Variants in SYT1 observed in about 807,000 individuals in gnomAD.
SYT1 encodes the protein synaptotagmin-1.
SYT1 carries 8 observed loss-of-function variants against 44.8 expected under a neutral mutation model. That is an observed-to-expected ratio of 0.18 (90% CI 0.10 to 0.32). The LOEUF is 0.32. Among genes scored for constraint, SYT1 ranks in the 10% least tolerant of loss-of-function variants. The probability of loss-of-function intolerance (pLI) is 1.00; values close to 1 mark genes in which losing one functional copy is unlikely to be tolerated. For synonymous variants in SYT1, 154 were observed against 188.8 expected (o/e 0.82, Z 1.51); for missense variants, 286 against 509.3 (o/e 0.56, Z 4.22).
At chr12:79,139,903 C>T (rs1337319587) in intron 3 of SYT1, among the ~76,000 whole-genome samples, 2 of 152,296 alleles carry the variant, frequency 1.3e-5, no homozygotes, top group South Asian at 2.1e-4. Flanking sequence ...GCAGCTGGTG[C>T]TGCCACGTAT....
intron 3 of SYT1, among the ~76,000 whole-genome samples, chr12:79,116,941 C>T (rs1170827873): frequency 6.6e-6 from 1 of 152,162 alleles, no homozygotes; most frequent in East Asian, 1.9e-4. Context: ...CTGAAATCCA[C>T]GAGCAGCTCT....
chr12:79,248,337 C>T (rs375452731), intron 4 of SYT1, among the ~76,000 whole-genome samples: 15 of 152,148 alleles, frequency 9.9e-5, no homozygotes, highest in East Asian at 3.9e-4. Flanking sequence ...ACTCAACAGA[C>T]GGAGAGATTG....
At chr12:79,126,265 T>G (rs1328584802) in intron 3 of SYT1, among the ~76,000 whole-genome samples, 1 of 152,098 alleles carries the variant, frequency 6.6e-6, no homozygotes, top group Non-Finnish European at 1.5e-5. Context: ...TTTTGTTTTG[T>G]TTTTGTTTTT....
chr12:79,433,891 T>G (rs916340982), intron 9 of SYT1, among the ~76,000 whole-genome samples: 1 of 152,220 alleles, frequency 6.6e-6, no homozygotes, highest in Non-Finnish European at 1.5e-5. Flanking sequence ...CACACTGATA[T>G]GTCAACTGCC....
At chr12:79,347,141 A>C (rs1443970981) in intron 8 of SYT1, among the ~76,000 whole-genome samples, 1 of 151,954 alleles carries the variant, frequency 6.6e-6, no homozygotes, top group Non-Finnish European at 1.5e-5. Context: ...TTTCCAACTA[A>C]GCAAAAGTCT....
intron 4 of SYT1, among the ~76,000 whole-genome samples, chr12:79,265,799 T>G (rs934401650): frequency 4.7e-4 from 71 of 152,044 alleles, no homozygotes; most frequent in African/African-American, 1.7e-3. Context: ...AATGAAAGAA[T>G]TAGACAATAC....
intron 8 of SYT1, among the ~76,000 whole-genome samples, chr12:79,303,887 C>T (rs974000199): frequency 6.6e-6 from 1 of 152,112 alleles, no homozygotes; most frequent in Non-Finnish European, 1.5e-5. Flanking sequence ...TTTCTAAGTA[C>T]ATTTAGCAAT....
At chr12:79,275,860 T>A (rs1878687134) in intron 4 of SYT1, among the ~76,000 whole-genome samples, 1 of 152,230 alleles carries the variant, frequency 6.6e-6, no homozygotes, top group Non-Finnish European at 1.5e-5. Flanking sequence ...TCATGAGACC[T>A]CTGCCACCCT....
chr12:78,967,751 G>A (rs1474257890), intron 1 of SYT1, among the ~76,000 whole-genome samples: 2 of 152,164 alleles, frequency 1.3e-5, no homozygotes, highest in African/African-American at 4.8e-5. Flanking sequence ...GCAGTAATTG[G>A]AGTACATAGA....
At chr12:79,333,021 T>G (rs1367485777) in intron 8 of SYT1, among the ~76,000 whole-genome samples, 1 of 152,214 alleles carries the variant, frequency 6.6e-6, no homozygotes, top group African/African-American at 2.4e-5. Flanking sequence ...TAAAGAATCC[T>G]TACAATTCTC....
intron 3 of SYT1, among the ~76,000 whole-genome samples, chr12:79,049,151 C>A (rs573046306): frequency 2.7e-4 from 41 of 151,760 alleles, no homozygotes; most frequent in Non-Finnish European, 4.6e-4. Context: ...TCCTTTTCTG[C>A]GCTGATTTAT....
intron 3 of SYT1, among the ~76,000 whole-genome samples, chr12:79,090,628 C>T (rs1240679795): frequency 6.6e-6 from 1 of 151,896 alleles, no homozygotes; most frequent in Admixed American, 6.6e-5. Flanking sequence ...GCCTATAAAC[C>T]AAACAGACAG....
At chr12:79,368,001 C>T (rs1435349924) in intron 9 of SYT1, among the ~76,000 whole-genome samples, 1 of 151,410 alleles carries the variant, frequency 6.6e-6, no homozygotes, top group Non-Finnish European at 1.5e-5. Context: ...TGTGCTGCAC[C>T]CATTAACCCG....
At chr12:79,263,145 G>T (rs575883493) in intron 4 of SYT1, among the ~76,000 whole-genome samples, 3 of 152,216 alleles carry the variant, frequency 2.0e-5, no homozygotes, top group African/African-American at 7.2e-5. Flanking sequence ...ATTGTTCAGT[G>T]CAATTAGTCA....
intron 9 of SYT1, among the ~76,000 whole-genome samples, chr12:79,397,498 G>A (rs971080206): frequency 2.6e-5 from 4 of 152,126 alleles, no homozygotes; most frequent in South Asian, 4.1e-4. Context: ...AAAGTGTTGC[G>A]ATTACAGGCT....
intron 1 of SYT1, among the ~76,000 whole-genome samples, chr12:78,938,782 G>A (rs1878201067): frequency 6.6e-6 from 1 of 152,186 alleles, no homozygotes. Context: ...ACTCTGTACA[G>A]TAACACTAAA....
At chr12:78,883,047 T>TA (rs1168607452) in intron 1 of SYT1, among the ~76,000 whole-genome samples, 154 of 151,762 alleles carry the variant, frequency 1.0e-3, no homozygotes, top group Admixed American at 1.6e-3. Flanking sequence ...TATGATTTTT[T>TA]AAAAAAATAT....
chr12:79,129,771 A>C (rs1420765204), intron 3 of SYT1, among the ~76,000 whole-genome samples: 1 of 152,180 alleles, frequency 6.6e-6, no homozygotes, highest in Non-Finnish European at 1.5e-5. Context: ...CCAGAAAATC[A>C]GGGTTGGGGA....
intron 4 of SYT1, among the ~76,000 whole-genome samples, chr12:79,229,875 G>A (rs1255097446): frequency 2.6e-5 from 4 of 152,042 alleles, no homozygotes; most frequent in Admixed American, 6.6e-5. Flanking sequence ...AATTACAGGC[G>A]TGAGCCACCA....
Sources: gnomAD v4.1 joint callset for allele counts (sites outside exome capture counted in the v4.1 genomes callset) on GRCh38, gnomAD v4.1.1 for gene constraint, MANE v1.5 for transcripts, NCBI Gene and HGNC (gene_info 2026-07-23, HGNC 2026-07-21) for gene names.